Variants in SGCZ observed in about 807,000 individuals in gnomAD.
SGCZ encodes the protein sarcoglycan zeta.
In SGCZ, 40 loss-of-function variants were observed where a neutral mutation model predicts 41.3. The ratio of observed to expected loss-of-function variants is 0.97; its 90% CI spans 0.75 to 1.26. SGCZ has a LOEUF of 1.26. Ranked by LOEUF, SGCZ falls within the 50% of genes most tolerant of loss-of-function variation. The pLI, the probability that SGCZ is intolerant of heterozygous loss-of-function variation, is 0.00. For missense variants in SGCZ, 552 were observed against 369.8 expected (o/e 1.49, Z -4.04); for synonymous variants, 206 against 137.5 (o/e 1.50, Z -3.49).
At chr8:14,622,333 G>A (rs558432146) in intron 1 of SGCZ, among the ~76,000 whole-genome samples, 19 of 152,240 alleles carry the variant, frequency 1.2e-4, no homozygotes, top group African/African-American at 3.6e-4. Context: ...AGCCTTCTAT[G>A]AGTTTCTTGG....
intron 1 of SGCZ, among the ~76,000 whole-genome samples, chr8:15,225,140 T>A (rs1482784948): frequency 1.3e-5 from 2 of 152,206 alleles, no homozygotes; most frequent in Non-Finnish European, 2.9e-5. Flanking sequence ...ATACACACTC[T>A]TTTCAAGGAA....
rs527422151 is a variant in SGCZ at position 14,101,289 on chromosome 8, A to G, written c.744+1087T>C. Among the ~76,000 whole-genome samples the G allele has an allele frequency of 4.0e-5, 5 of 126,394 alleles. No homozygotes were observed. In the East Asian group the frequency reaches 1.1e-3, roughly 28 times the overall value. 82.9% of individuals were successfully genotyped at this position (126,394 alleles called of 152,430 possible). A position where few individuals can be genotyped will look rare whatever the true frequency, so the allele number is the denominator to read the frequency against. ...GTAAGAGAAAGAAACTGGGAAGGAGAGGGTAAGAGATGTGGAAGGTGTGAA... is the reference window on the plus strand; with the variant it reads ...GTAAGAGAAAGAAACTGGGAAGGAGGGGGTAAGAGATGTGGAAGGTGTGAA... On this transcript the variant is annotated intron_variant, in intron 7 of 7. Transcript: ENST00000382080.
chr8:14,975,789 TTATATATATA>T, intron 1 of SGCZ, among the ~76,000 whole-genome samples: 1 of 125,462 alleles, frequency 8.0e-6, no homozygotes, highest in African/African-American at 2.8e-5. Context: ...TTTTCCACTT[TTATATATATA>T]TATATATATA....
At chr8:14,738,429 A>T (rs1415511066) in intron 1 of SGCZ, among the ~76,000 whole-genome samples, 1 of 152,100 alleles carries the variant, frequency 6.6e-6, no homozygotes, top group African/African-American at 2.4e-5. Context: ...ATAAGCCGCT[A>T]GCTAGACCCA....
intron 1 of SGCZ, among the ~76,000 whole-genome samples, chr8:14,601,569 C>G (rs75106626): frequency 0.071 from 10,860 of 152,074 alleles, 773 homozygotes; most frequent in East Asian, 0.4. Context: ...TTCCCTGAAC[C>G]TGTTCTAATA....
At chr8:14,622,323 A>T (rs536632754) in intron 1 of SGCZ, among the ~76,000 whole-genome samples, 1 of 152,258 alleles carries the variant, frequency 6.6e-6, no homozygotes, top group Admixed American at 6.5e-5. Flanking sequence ...ACAACATGGG[A>T]GCCTTCTATG....
intron 1 of SGCZ, among the ~76,000 whole-genome samples, chr8:14,682,586 C>T (rs1808483665): frequency 6.6e-6 from 1 of 152,034 alleles, no homozygotes; most frequent in Admixed American, 6.6e-5. Context: ...AGGCGCCCAC[C>T]ACCACGCCCG....
At chr8:14,711,152 G>A (rs1809501678) in intron 1 of SGCZ, among the ~76,000 whole-genome samples, 1 of 152,142 alleles carries the variant, frequency 6.6e-6, no homozygotes, top group African/African-American at 2.4e-5. Flanking sequence ...GACATACTGA[G>A]CAAGTCACTA....
intron 2 of SGCZ, among the ~76,000 whole-genome samples, chr8:14,410,121 G>A (rs915933660): frequency 1.3e-5 from 2 of 152,084 alleles, no homozygotes; most frequent in Non-Finnish European, 2.9e-5. Context: ...AACTCATTGT[G>A]AACTGCGCAT....
At chr8:14,589,297 G>A (rs1805164722) in intron 1 of SGCZ, among the ~76,000 whole-genome samples, 1 of 148,596 alleles carries the variant, frequency 6.7e-6, no homozygotes, top group Non-Finnish European at 1.5e-5. Context: ...AGTGAGCTGA[G>A]ATTGCACCAC....
chr8:14,328,083 A>T (rs1290131945), intron 2 of SGCZ, among the ~76,000 whole-genome samples: 1 of 152,184 alleles, frequency 6.6e-6, no homozygotes, highest in African/African-American at 2.4e-5. Flanking sequence ...TGAAAAAACG[A>T]ATTTTCAAGG....
chr8:14,423,006 C>A (rs1799676381), intron 2 of SGCZ, among the ~76,000 whole-genome samples: 1 of 152,090 alleles, frequency 6.6e-6, no homozygotes, highest in African/African-American at 2.4e-5. Flanking sequence ...CCAGCCTGGG[C>A]AACAGTGTGA....
chr8:14,469,323 G>A (rs1229496668), intron 2 of SGCZ, among the ~76,000 whole-genome samples: 1 of 152,038 alleles, frequency 6.6e-6, no homozygotes, highest in African/African-American at 2.4e-5. Flanking sequence ...ACTTTCTTCA[G>A]ATATGACCTT....
At chr8:14,494,149 G>A (rs920057921) in intron 2 of SGCZ, among the ~76,000 whole-genome samples, 1 of 152,122 alleles carries the variant, frequency 6.6e-6, no homozygotes, top group Non-Finnish European at 1.5e-5. Flanking sequence ...TATGAAAAAA[G>A]TAATTAATCT....
chr8:14,469,103 A>C (rs1585556637), intron 2 of SGCZ, among the ~76,000 whole-genome samples: 1 of 152,028 alleles, frequency 6.6e-6, no homozygotes, highest in Admixed American at 6.6e-5. Flanking sequence ...GCAAGTCACC[A>C]CCACCACTTT....
At chr8:14,407,360 T>C (rs1585467010) in intron 2 of SGCZ, among the ~76,000 whole-genome samples, 2 of 152,216 alleles carry the variant, frequency 1.3e-5, no homozygotes, top group African/African-American at 2.4e-5. Flanking sequence ...TTTTAAAATA[T>C]TGTGTATCAT....
intron 1 of SGCZ, among the ~76,000 whole-genome samples, chr8:14,712,316 A>T (rs1264149286): frequency 6.6e-6 from 1 of 152,210 alleles, no homozygotes; most frequent in Non-Finnish European, 1.5e-5. Context: ...CTGTCTACTC[A>T]AGTAAACTTC....
chr8:15,019,299 T>C (rs986204772), intron 1 of SGCZ, among the ~76,000 whole-genome samples: 2 of 152,144 alleles, frequency 1.3e-5, no homozygotes, highest in African/African-American at 4.8e-5. Context: ...GAATTTGGAA[T>C]ATGTCTTGAA....
At chr8:14,173,293 C>T (rs1432750425) in intron 4 of SGCZ, among the ~76,000 whole-genome samples, 1 of 151,682 alleles carries the variant, frequency 6.6e-6, no homozygotes, top group Non-Finnish European at 1.5e-5. Context: ...AGATTTGCTC[C>T]ATATGCTAGA....
Sources: gnomAD v4.1 joint callset for allele counts (sites outside exome capture counted in the v4.1 genomes callset) on GRCh38, gnomAD v4.1.1 for gene constraint, MANE v1.5 for transcripts, NCBI Gene and HGNC (gene_info 2026-07-23, HGNC 2026-07-21) for gene names.